TERF2IP: variants seen among roughly 807,000 people sequenced by gnomAD.
TERF2IP encodes the protein telomeric repeat-binding factor 2-interacting protein 1.
TERF2IP carries 35 observed loss-of-function variants against 33.3 expected under a neutral mutation model. The observed-to-expected ratio is 1.05, with a 90% CI of 0.80 to 1.39. The LOEUF is 1.39. TERF2IP is among the 40% of genes most tolerant of loss of function. The pLI is 0.00. For missense variants in TERF2IP, 583 were observed against 524.8 expected (o/e 1.11, Z -1.08); for synonymous variants, 253 against 223.2 (o/e 1.13, Z -1.19).
intron 1 of TERF2IP, among the ~76,000 whole-genome samples, chr16:75,653,498 G>C (rs1236153553): frequency 1.3e-5 from 2 of 152,178 alleles, no homozygotes; most frequent in Non-Finnish European, 2.9e-5. Flanking sequence ...CCCCTTTGTA[G>C]TATGTTTTAG....
In TERF2IP at chr16:75,656,492, A is replaced by G. The variant is rs2082387568; in HGVS notation, c.1081A>G (p.Ile361Val). 1 of 1,614,092 alleles carries G rather than the reference A, an allele frequency of 6.2e-7. No individual in the cohort carries two copies. The highest frequency in any genetic ancestry group is 8.5e-7 in the Non-Finnish European group (1 of 1,180,046). The change falls in exon 3 of 3, where the codon ATT (isoleucine) becomes GTT (valine). Residue 361 changes from isoleucine to valine, a missense_variant. Coordinates refer to ENST00000300086, the MANE Select transcript of TERF2IP (RefSeq NM_018975.4). Reference sequence around the variant, plus strand: ...TGGTCAGAGAGCTGATGGATATCCCATTTGGTCCCGACAAGATGACATAGA... The same window carrying G: ...TGGTCAGAGAGCTGATGGATATCCCGTTTGGTCCCGACAAGATGACATAGA... Reference protein sequence around the residue: ...ASGQRADGYPIWSRQDDIDLQ... With the variant: ...ASGQRADGYPVWSRQDDIDLQ...
chr16:75,655,338 T>A (rs1480237851), intron 2 of TERF2IP, among the ~76,000 whole-genome samples: 1 of 152,224 alleles, frequency 6.6e-6, no homozygotes, highest in Non-Finnish European at 1.5e-5. Context: ...AGCCATACAA[T>A]AATGATAAGT....
chr16:75,655,932 A>T (rs2082381484), intron 2 of TERF2IP, among the ~76,000 whole-genome samples: 1 of 152,186 alleles, frequency 6.6e-6, no homozygotes, highest in African/African-American at 2.4e-5. Context: ...CTATTGGAAT[A>T]CTATAGTCAA....
intron 1 of TERF2IP, among the ~76,000 whole-genome samples, chr16:75,648,925 G>C (rs1011215222): frequency 6.6e-6 from 1 of 151,730 alleles, no homozygotes; most frequent in Non-Finnish European, 1.5e-5. Context: ...GCAGCCGCGC[G>C]ATCACGACCT....
rs758701826 is a variant in TERF2IP at position 75,647,914 on chromosome 16, C to T, written c.32C>T (p.Pro11Leu). 71 of 1,609,438 alleles carry T rather than the reference C, an allele frequency of 4.4e-5. No individual in the cohort carries two copies. The highest frequency in any genetic ancestry group is 5.8e-5 in the Non-Finnish European group (68 of 1,176,694). The part of the protein sequence containing the change: MAEAMDLGKD[P>L]NGPTHSSTLF... The stretch of plus-strand genomic sequence containing the variant: ...GAGGCGATGGATTTGGGCAAAGACC[C>T]CAACGGGCCCACCCATTCCTCGACT... Residue 11 changes from proline to leucine, a missense_variant, in exon 1 of 3, where the codon CCC becomes CTC. Pro to Leu is a moderately conservative substitution (Grantham distance 98). Coordinates refer to ENST00000300086, the MANE Select transcript of TERF2IP (RefSeq NM_018975.4).
In TERF2IP at chr16:75,648,115, T is replaced by C; in HGVS notation, c.233T>C (p.Phe78Ser). 6.4e-7 allele frequency: 1 copy of C among 1,558,304 alleles called. No homozygotes were observed. The highest frequency in any genetic ancestry group is 8.7e-7 in the Non-Finnish European group (1 of 1,152,430). Reference protein sequence around the residue: ...GEALAEASGDFISTQYILDCV... With the variant: ...GEALAEASGDSISTQYILDCV... The stretch of plus-strand genomic sequence containing the variant: ...GCGCTGGCCGAGGCCTCGGGTGATT[T>C]CATCTCCACGCAGTACATCCTGGAC... Residue 78 changes from phenylalanine to serine, a missense_variant, in exon 1 of 3, where the codon TTC becomes TCC. Coordinates refer to ENST00000300086, the MANE Select transcript of TERF2IP (RefSeq NM_018975.4).
At chr16:75,648,614 C>T (rs2082322186) in intron 1 of TERF2IP, 62 bp downstream of exon 1, 2 of 1,452,718 alleles carry the variant, frequency 1.4e-6, no homozygotes, top group Non-Finnish European at 9.1e-7. Flanking sequence ...GATCTTTCTC[C>T]TGGCTGCCTG....
intron 1 of TERF2IP, among the ~76,000 whole-genome samples, chr16:75,651,179 A>G (rs2082344615): frequency 6.6e-6 from 1 of 152,164 alleles, no homozygotes. Context: ...CTCATGATAA[A>G]TAAAGTCAGA....
intron 1 of TERF2IP, among the ~76,000 whole-genome samples, chr16:75,651,081 G>A (rs2082343801): frequency 6.6e-6 from 1 of 152,146 alleles, no homozygotes; most frequent in Non-Finnish European, 1.5e-5. Flanking sequence ...AAGAAAAAAA[G>A]TAAAAATATT....
rs374380364 is a variant in TERF2IP, at chr16:75,655,394, C to T, written c.796-813C>T. On this transcript the variant is annotated intron_variant, in intron 2 of 2. Coordinates refer to ENST00000300086, the MANE Select transcript of TERF2IP (RefSeq NM_018975.4). ...ATGTATATATTTTTCCATGATAAAG[C>T]GTCTTGTGAACTAACAAAGAAAATT... is the stretch of plus-strand genomic sequence containing the variant. Among the ~76,000 whole-genome samples the T allele has an allele frequency of 4.6e-5, 7 of 152,234 alleles. No homozygotes were observed. The East Asian group carries it at 5.8e-4, about 13-fold the overall frequency.
Position 75,648,469 on chromosome 16 carries a change from T to C in TERF2IP, c.587T>C (p.Leu196Pro). The C allele has an allele frequency of 6.3e-7, 1 of 1,596,678 alleles. No homozygotes were observed. The highest frequency in any genetic ancestry group is 8.5e-7 in the Non-Finnish European group (1 of 1,172,394). Residue 196 changes from leucine to proline, a missense_variant, in exon 1 of 3, where the codon CTG becomes CCG. Leu to Pro is a moderately conservative substitution (Grantham distance 98, BLOSUM62 -3). Coordinates refer to ENST00000300086, the MANE Select transcript of TERF2IP (RefSeq NM_018975.4). ...KHLRGQEHKY[L>P]LGDAPVSPSS... is the part of the protein sequence containing the mutation. ...CTGCGGGGCCAGGAGCATAAGTACC[T>C]GCTGGGGGACGCGCCGGTGAGCCCC...
Position 75,648,053 on chromosome 16 carries a change from G to T in TERF2IP, c.171G>T (p.Gln57His). The T allele has an allele frequency of 6.2e-7, 1 of 1,601,860 alleles. No homozygotes were observed. Among genetic ancestry groups the T allele is most frequent in the Non-Finnish European group, 8.5e-7 (1 of 1,174,320 alleles). The change falls in exon 1 of 3, where the codon CAG (glutamine) becomes CAT (histidine). Residue 57 changes from glutamine to histidine, a missense_variant. Transcript: ENST00000300086. ...GCGGCGGCACCGTGTGCCGAGTGCA[G>T]GAGCCCGGGGCCGTGCTGCTGGCCC... ...LHGGGTVCRV[Q>H]EPGAVLLAQP...
chr16:75,648,232 C>T lies in TERF2IP; in HGVS notation c.350C>T (p.Ala117Val). The change falls in exon 1 of 3, where the codon GCC (alanine) becomes GTC (valine). Residue 117 changes from alanine to valine, a missense_variant. Ala to Val is a moderately conservative substitution (Grantham distance 64, BLOSUM62 0). Coordinates refer to ENST00000300086, the MANE Select transcript of TERF2IP (RefSeq NM_018975.4). ...ACCGGCTCGGAAGCAAAGCCCGGGG[C>T]CCTGGCCGAGGGCGCCGCGGAGCCG... ...ADTGSEAKPG[A>V]LAEGAAEPEP... 6.5e-7 allele frequency: 1 copy of T among 1,544,542 alleles called. No individual in the cohort carries two copies. The highest frequency in any genetic ancestry group is 1.2e-5 in the South Asian group (1 of 83,882).
At chr16:75,649,067 G>C (rs1442698915) in intron 1 of TERF2IP, among the ~76,000 whole-genome samples, 1 of 147,318 alleles carries the variant, frequency 6.8e-6, no homozygotes, top group Non-Finnish European at 1.5e-5. Context: ...GGGTCTCGTT[G>C]TGTTGCCCTG....
In TERF2IP at chr16:75,656,657, G is replaced by T. The variant is rs1262844441; in HGVS notation, c.*46G>T. 1.3e-6 allele frequency: 2 copies of T among 1,524,982 alleles called. No homozygotes were observed. The highest frequency in any genetic ancestry group is 2.3e-5 in the East Asian group (1 of 44,206). The allele number at this position is 1,524,982 out of a possible 1,614,324, so 94.5% of individuals were successfully genotyped here. A position where few individuals can be genotyped will look rare whatever the true frequency, so the allele number is the denominator to read the frequency against. On this transcript the variant is annotated 3_prime_UTR_variant, in exon 3 of 3. Transcript: ENST00000300086. ...GAAAAAAGTCATGGTAGGTGAGGTG[G>T]TTAAAAAAAATTGTGACCAATGAAC...
chr16:75,656,090 G>A, intron 2 of TERF2IP, 117 bp from the exon 3 acceptor site: 2 of 961,204 alleles, frequency 2.1e-6, no homozygotes, highest in Non-Finnish European at 3.1e-6. Flanking sequence ...GGAACTGAAG[G>A]AAGTCCAGTG....
Position 75,648,522 on chromosome 16 carries a change from G to A in TERF2IP, c.640G>A (p.Glu214Lys). 6.4e-7 allele frequency: 1 copy of A among 1,574,734 alleles called. No homozygotes were observed. Among genetic ancestry groups the A allele is most frequent in the Non-Finnish European group, 8.6e-7 (1 of 1,158,506 alleles). ...CTCCCAGAAGCTCAAGCGGAAGGCGGAGGAGGACCCGGAGGCCGCGGATAG... is the reference window on the plus strand; with the variant it reads ...CTCCCAGAAGCTCAAGCGGAAGGCGAAGGAGGACCCGGAGGCCGCGGATAG... ...PSSQKLKRKAEEDPEAADSGE... is the reference protein window; with the variant it reads ...PSSQKLKRKAKEDPEAADSGE... Residue 214 changes from glutamate (E) to lysine (K), a missense_variant, in exon 1 of 3, where the codon GAG (glutamate) becomes AAG (lysine). Transcript: ENST00000300086.
At position 75,647,852 on chromosome 16, in the gene TERF2IP, G is replaced by A. The variant is rs770404909; in HGVS notation, c.-31G>A. On this transcript the variant is annotated 5_prime_UTR_variant, in exon 1 of 3. Transcript: ENST00000300086. ...CTGTGTGCCAGGCGCTCGCGAGGGG[G>A]TAGCTCTTCTAGTAGTGCTCGGCGT... The A allele has an allele frequency of 1.3e-6, 2 of 1,598,126 alleles. No individual in the cohort carries two copies. Among genetic ancestry groups the A allele is most frequent in the East Asian group, 4.5e-5 (2 of 44,604 alleles).
In TERF2IP at chr16:75,648,107, G is replaced by C. The variant is rs766032372; in HGVS notation, c.225G>C (p.Ser75=). ...CCGGGGAGGCGCTGGCCGAGGCCTC[G>C]GGTGATTTCATCTCCACGCAGTACA... The part of the protein sequence containing the change: ...AQPGEALAEA[S]GDFISTQYIL... The change falls in exon 1 of 3, where the codon TCG becomes TCC. Residue 75 remains serine (S), a synonymous_variant. Transcript: ENST00000300086. 7.4e-5 allele frequency: 116 copies of C among 1,557,968 alleles called. No individual in the cohort carries two copies. Among genetic ancestry groups the C allele is most frequent in the Non-Finnish European group, 9.7e-5 (112 of 1,152,256 alleles).
Sources: allele counts gnomAD v4.1 joint callset (sites outside exome capture counted in the v4.1 genomes callset), GRCh38; gene constraint gnomAD v4.1.1; transcripts MANE v1.5; gene names NCBI Gene and HGNC (gene_info 2026-07-23, HGNC 2026-07-21).